Variants in PDE1A observed in about 807,000 individuals in gnomAD.
The protein encoded by PDE1A is dual specificity calcium/calmodulin-dependent 3',5'-cyclic nucleotide phosphodiesterase 1A.
In PDE1A, 35 loss-of-function variants were observed where a neutral mutation model predicts 61.7. The observed-to-expected ratio is 0.57, with a 90% CI of 0.43 to 0.75. The LOEUF is 0.75. Among genes scored for constraint, PDE1A ranks in the 30% least tolerant of loss-of-function variants. The pLI, the probability that PDE1A is intolerant of heterozygous loss-of-function variation, is 0.00. For missense variants in PDE1A, 597 were observed against 630.6 expected (o/e 0.95, Z 0.57); for synonymous variants, 232 against 213.2 (o/e 1.09, Z -0.77).
At chr2:182,381,370 A>G in intron 1 of PDE1A, among the ~76,000 whole-genome samples, 1 of 152,200 alleles carries the variant, frequency 6.6e-6, no homozygotes, top group East Asian at 1.9e-4. Flanking sequence ...TAATTAGGCC[A>G]AAATGTGATT....
At chr2:182,689,463 A>G in the PDE1A span, among the ~76,000 whole-genome samples, 1 of 152,234 alleles carries the variant, frequency 6.6e-6, no homozygotes. Flanking sequence ...AGAAATAAAA[A>G]TGTTCTTTGA....
upstream of PDE1A, among the ~76,000 whole-genome samples, chr2:182,526,115 T>C (rs1053787930): frequency 3.2e-4 from 49 of 152,180 alleles, no homozygotes; most frequent in African/African-American, 1.2e-3. Flanking sequence ...AACAAAATAC[T>C]GTTTTATTGA....
At chr2:182,222,561 G>A (rs900035697) in intron 7 of PDE1A, among the ~76,000 whole-genome samples, 1 of 151,936 alleles carries the variant, frequency 6.6e-6, no homozygotes, top group Non-Finnish European at 1.5e-5. Flanking sequence ...TAATAACAAT[G>A]TATCGATACT....
chr2:182,551,288 G>C, the PDE1A span, among the ~76,000 whole-genome samples: 1 of 152,146 alleles, frequency 6.6e-6, no homozygotes, highest in Non-Finnish European at 1.5e-5. Context: ...TCAATCAAAG[G>C]AATGAGAGGC....
intron 2 of PDE1A, among the ~76,000 whole-genome samples, chr2:182,441,735 T>C (rs1684809872): frequency 6.6e-6 from 1 of 151,950 alleles, no homozygotes. Context: ...CACTAGAAGG[T>C]AAGGATGCAT....
At chr2:182,479,850 C>A (rs1687597787) in intron 2 of PDE1A, among the ~76,000 whole-genome samples, 1 of 151,716 alleles carries the variant, frequency 6.6e-6, no homozygotes, top group Non-Finnish European at 1.5e-5. Flanking sequence ...ACTTTACCTG[C>A]AGAAGTCATT....
At chr2:182,612,632 C>T in the PDE1A span, among the ~76,000 whole-genome samples, 5 of 152,150 alleles carry the variant, frequency 3.3e-5, no homozygotes, top group Non-Finnish European at 5.9e-5. Context: ...AAGGCAAGAA[C>T]GAAAATGGCT....
rs373305201 is a variant in PDE1A, at chr2:182,214,234, A to G, written c.777-8169T>C. Among the ~76,000 whole-genome samples, 843 of 151,820 alleles carry G rather than the reference A, an allele frequency of 5.6e-3. 9 individuals carry two copies. Among genetic ancestry groups the G allele is most frequent in the South Asian group, 0.041 (196 of 4,788 alleles). ...AATGCTGAGAGATTTTGTCACCACC[A>G]GGCCTGCCCTAAAAGAGCTCCTGAA... On this transcript the variant is annotated intron_variant, in intron 7 of 13. Transcript: ENST00000351439.
upstream of PDE1A, among the ~76,000 whole-genome samples, chr2:182,526,374 T>A (rs1392198369): frequency 6.6e-6 from 1 of 152,174 alleles, no homozygotes; most frequent in Non-Finnish European, 1.5e-5. Flanking sequence ...ATCTACAGCC[T>A]TGTATTATAA....
intron 13 of PDE1A, among the ~76,000 whole-genome samples, chr2:182,178,964 A>C (rs1048286052): frequency 3.3e-5 from 5 of 152,178 alleles, no homozygotes; most frequent in African/African-American, 1.2e-4. Flanking sequence ...TGCTCATCTG[A>C]AATCCATTAA....
chr2:182,174,341 C>G (rs966852812), intron 13 of PDE1A, among the ~76,000 whole-genome samples: 1 of 148,770 alleles, frequency 6.7e-6, no homozygotes, highest in Admixed American at 6.6e-5. Context: ...CACAGAGAAG[C>G]AAAGGAGGAA....
intron 11 of PDE1A, among the ~76,000 whole-genome samples, chr2:182,186,915 T>C (rs191402711): frequency 4.6e-5 from 7 of 152,338 alleles, no homozygotes; most frequent in Admixed American, 2.6e-4. Flanking sequence ...AGAGTGACTA[T>C]AGTTTCCTCT....
chr2:182,418,007 C>A (rs987149515), intron 1 of PDE1A, among the ~76,000 whole-genome samples: 1 of 151,986 alleles, frequency 6.6e-6, no homozygotes, highest in South Asian at 2.1e-4. Context: ...AAATAGAAAA[C>A]GTTATCATAA....
the PDE1A span, among the ~76,000 whole-genome samples, chr2:182,633,217 G>T: frequency 3.3e-5 from 5 of 152,208 alleles, no homozygotes; most frequent in African/African-American, 1.2e-4. Flanking sequence ...CAGTTGCTCA[G>T]GTCAACAATA....
intron 2 of PDE1A, among the ~76,000 whole-genome samples, chr2:182,515,994 G>GTGTATGTA (rs765447183): frequency 6.9e-6 from 1 of 145,698 alleles, no homozygotes; most frequent in East Asian, 2.0e-4. Flanking sequence ...GTGTGTGTGT[G>GTGTATGTA]TGTGTGTGTT....
intron 1 of PDE1A, among the ~76,000 whole-genome samples, chr2:182,293,849 A>C (rs1235532491): frequency 6.6e-6 from 1 of 152,154 alleles, no homozygotes; most frequent in Non-Finnish European, 1.5e-5. Context: ...TGATAAGTGA[A>C]GTGAGGTGAA....
the PDE1A span, among the ~76,000 whole-genome samples, chr2:182,674,861 C>T: frequency 5.9e-5 from 9 of 152,068 alleles, no homozygotes; most frequent in African/African-American, 2.2e-4. Flanking sequence ...AACATGTATT[C>T]AAGCAATGTT....
chr2:182,262,744 A>G (rs1692311444), intron 2 of PDE1A, among the ~76,000 whole-genome samples: 1 of 144,882 alleles, frequency 6.9e-6, no homozygotes, highest in Non-Finnish European at 1.5e-5. Flanking sequence ...ATAAAAGGAA[A>G]CTTTTAAGTT....
At chr2:182,186,299 C>A (rs1244013532) in intron 12 of PDE1A, among the ~76,000 whole-genome samples, 169 bp downstream of exon 12, 1 of 152,100 alleles carries the variant, frequency 6.6e-6, no homozygotes, top group African/African-American at 2.4e-5. Flanking sequence ...GTGTATTAAA[C>A]TTCAGTTGTC....
Sources: allele counts gnomAD v4.1 joint callset (sites outside exome capture counted in the v4.1 genomes callset), GRCh38; gene constraint gnomAD v4.1.1; transcripts MANE v1.5; gene names NCBI Gene and HGNC (gene_info 2026-07-23, HGNC 2026-07-21).